The following RNF40 variants were observed in gnomAD, a reference collection of about 807,000 sequenced individuals.
RNF40 encodes the protein ring finger protein 40, also known as E3 ubiquitin-protein ligase BRE1B.
RNF40 carries 39 observed loss-of-function variants against 123.3 expected under a neutral mutation model. That is an observed-to-expected ratio of 0.32 (90% CI 0.24 to 0.41). RNF40 has a LOEUF of 0.41. RNF40 is among the 10% of genes least tolerant of loss of function. The pLI, the probability that RNF40 is intolerant of heterozygous loss-of-function variation, is 1.00. For missense variants in RNF40, 1,003 were observed against 1,319.9 expected, an observed-to-expected ratio of 0.76 and a Z score of 3.72; for synonymous variants, 538 against 526.0, an observed-to-expected ratio of 1.02 and a Z score of -0.31.
In RNF40 at chr16:30,768,933, G is replaced by C; in HGVS notation, c.2193G>C (p.Arg731=). The part of the protein sequence containing the change: ...IADEDALRRI[R]QAEEQIEHLQ... ...ATGAGGATGCCCTGCGGCGCATTCG[G>C]CAGGCAGAGGAGCAGATAGAACACC... The change falls in exon 15 of 20, where the codon CGG becomes CGC. Residue 731 remains arginine (R), a synonymous_variant. Transcript: ENST00000324685. This position sits in a 1 kb window ranked among gnomAD's most constrained non-coding sequence, Gnocchi z 4.1. 11 of 1,614,174 alleles carry C rather than the reference G, an allele frequency of 6.8e-6. No homozygotes were observed. The highest frequency in any genetic ancestry group is 9.3e-6 in the Non-Finnish European group (11 of 1,180,036).
At chr16:30,770,691 T>C (rs560238245) in intron 17 of RNF40, among the ~76,000 whole-genome samples, 5 of 152,332 alleles carry the variant, frequency 3.3e-5, no homozygotes, top group African/African-American at 1.2e-4. Flanking sequence ...TTCATTCATT[T>C]AAGCAGTATG....
chr16:30,761,896 C>A, upstream of RNF40: 2 of 771,802 alleles, frequency 2.6e-6, no homozygotes, highest in Non-Finnish European at 4.0e-6. Context: ...GGGGCGAATC[C>A]GTGGGGGCGT....
At chr16:30,763,344 C>T (rs953500915) in intron 3 of RNF40, 59 bp downstream of exon 3, 4 of 1,608,598 alleles carry the variant, frequency 2.5e-6, no homozygotes, top group African/African-American at 2.7e-5. Context: ...CCCCAGATTC[C>T]CCTGCTAGGA....
At position 30,774,953 on chromosome 16, in the gene RNF40, C is replaced by T. The variant is rs1056641011; in HGVS notation, c.*839C>T. 2.2e-6 allele frequency: 1 copy of T among 456,526 alleles called. No individual in the cohort carries two copies. The highest frequency in any genetic ancestry group is 4.4e-6 in the Non-Finnish European group (1 of 226,800). 28.3% of individuals were successfully genotyped at this position (456,526 alleles called of 1,614,324 possible). A position where few individuals can be genotyped will look rare whatever the true frequency, so the allele number is the denominator to read the frequency against. Reference sequence around the variant, plus strand: ...CAGGAGGGGAAGGGACAGACCAGCCCCAGCCGCTGGGCCAACTTCCAATCA... The same window carrying T: ...CAGGAGGGGAAGGGACAGACCAGCCTCAGCCGCTGGGCCAACTTCCAATCA... On this transcript the variant is annotated 3_prime_UTR_variant, in exon 20 of 20. Coordinates refer to ENST00000324685, the MANE Select transcript of RNF40 (RefSeq NM_014771.4).
chr16:30,768,226 G>C lies in RNF40; in HGVS notation c.1675G>C (p.Asp559His), dbSNP rs147842419. 4 of 1,613,672 alleles carry C rather than the reference G, an allele frequency of 2.5e-6. No homozygotes were observed. The African/African-American group carries it at 5.3e-5, about 22-fold the overall frequency. The part of the protein sequence containing the change: ...EGGPGPVSTP[D>H]NRKEMAPVPG... ...TGGGCCAGGCCCTGTCAGTACCCCC[G>C]ACAACAGAAAGGAGATGGCTCCAGT... The change falls in exon 13 of 20, where the codon GAC (aspartate) becomes CAC (histidine). Residue 559 changes from aspartate (D) to histidine (H), a missense_variant. Asp to His is a moderately conservative substitution (Grantham distance 81). Around this residue, in one of 11 missense-constraint regions of RNF40, gnomAD observed 295 missense variants for 331.7 expected, o/e 0.89. Coordinates refer to ENST00000324685, the MANE Select transcript of RNF40 (RefSeq NM_014771.4). This position sits in a 1 kb window ranked among gnomAD's most constrained non-coding sequence, Gnocchi z 4.1.
Position 30,775,065 on chromosome 16 carries a change from G to C in RNF40, c.*951G>C, listed in dbSNP as rs139144017. ...CCAGCCATGCTCCATCGGCTGTGAG[G>C]GCAGTGCCCGGAGAGGCCAGAGGGT... is the stretch of plus-strand genomic sequence containing the variant. On this transcript the variant is annotated 3_prime_UTR_variant, in exon 20 of 20. Transcript: ENST00000324685. The C allele has an allele frequency of 1.1e-5, 5 of 456,390 alleles. No homozygotes were observed. Among genetic ancestry groups the C allele is most frequent in the Non-Finnish European group, 2.2e-5 (5 of 226,698 alleles). The allele number at this position is 456,390 out of a possible 1,614,324, so 28.3% of individuals were successfully genotyped here. A position where few individuals can be genotyped will look rare whatever the true frequency, so the allele number is the denominator to read the frequency against.
At position 30,766,622 on chromosome 16, in the gene RNF40, G is replaced by T. The variant is rs1181747974; in HGVS notation, c.1293+64G>T. 1 of 1,581,330 alleles carries T rather than the reference G, an allele frequency of 6.3e-7. No individual in the cohort carries two copies. ...CCAAACCGTTAGTGTTGACGTGTTT[G>T]TGCCTTCCGAGGCCCTGTGTGCCAG... On this transcript the variant is annotated intron_variant, in intron 10 of 19. Coordinates refer to ENST00000324685, the MANE Select transcript of RNF40 (RefSeq NM_014771.4). The surrounding 1 kb of genome is among the most constrained non-coding windows in gnomAD (Gnocchi z 5.4).
At chr16:30,761,644 C>T (rs1276378721), upstream of RNF40, 17 of 1,535,910 alleles carry the variant, frequency 1.1e-5, no homozygotes, top group Admixed American at 3.9e-5. Flanking sequence ...CCGACCCATG[C>T]ACTGAGCTGC....
chr16:30,769,299 T>C lies in RNF40; in HGVS notation c.2361T>C (p.Phe787=). 2 of 1,614,212 alleles carry C rather than the reference T, an allele frequency of 1.2e-6. No individual in the cohort carries two copies. The highest frequency in any genetic ancestry group is 1.3e-5 in the African/African-American group (1 of 75,050). The change falls in exon 16 of 20, where the codon TTT becomes TTC. Residue 787 remains phenylalanine, a synonymous_variant. Coordinates refer to ENST00000324685, the MANE Select transcript of RNF40 (RefSeq NM_014771.4). ...QQLREKDDAN[F]KLMSERIKAN... is the part of the protein sequence containing the mutation. ...TGCGGGAAAAGGATGATGCCAACTT[T>C]AAGCTAATGTCAGAGCGGATCAAGG...
In RNF40 at chr16:30,775,205, C is replaced by G. The variant is rs1020556742; in HGVS notation, c.*1091C>G. 4.3e-5 allele frequency: 15 copies of G among 350,734 alleles called. No homozygotes were observed. The highest frequency in any genetic ancestry group is 1.7e-5 in the Non-Finnish European group (3 of 178,280). 21.7% of individuals were successfully genotyped at this position (350,734 alleles called of 1,614,324 possible). ...TCGGCCTGCAGCCAGAGTAGCCAGGCCGCGCACCCCAAATGTAGTCCCCCG... is the reference window on the plus strand; with the variant it reads ...TCGGCCTGCAGCCAGAGTAGCCAGGGCGCGCACCCCAAATGTAGTCCCCCG... On this transcript the variant is annotated 3_prime_UTR_variant, in exon 20 of 20. Coordinates refer to ENST00000324685, the MANE Select transcript of RNF40 (RefSeq NM_014771.4).
Position 30,765,163 on chromosome 16 carries a change from C to T in RNF40, c.772-18C>T. The stretch of plus-strand genomic sequence containing the variant: ...ACCAAGTCCCCCATCCAAGCATCTG[C>T]TCCCTCATTGTTCCCAGTACTCCGA... On this transcript the variant is annotated intron_variant, in intron 6 of 19. Transcript: ENST00000324685. 1 of 1,613,506 alleles carries T rather than the reference C, an allele frequency of 6.2e-7. No individual in the cohort carries two copies. Among genetic ancestry groups the T allele is most frequent in the Non-Finnish European group, 8.5e-7 (1 of 1,179,460 alleles).
Position 30,768,939 on chromosome 16 carries a change from A to G in RNF40, c.2199A>G (p.Ala733=). Residue 733 remains alanine (A), a synonymous_variant, in exon 15 of 20, where the codon GCA becomes GCG. Coordinates refer to ENST00000324685, the MANE Select transcript of RNF40 (RefSeq NM_014771.4). The surrounding 1 kb of genome is among the most constrained non-coding windows in gnomAD (Gnocchi z 4.1). ...ATGCCCTGCGGCGCATTCGGCAGGC[A>G]GAGGAGCAGATAGAACACCTGCAGC... The part of the protein sequence containing the change: ...DEDALRRIRQ[A]EEQIEHLQRK... 1 of 1,614,166 alleles carries G rather than the reference A, an allele frequency of 6.2e-7. No homozygotes were observed.
In RNF40 at chr16:30,769,345, C is replaced by T. The variant is rs2054103811; in HGVS notation, c.2407C>T (p.Leu803=). The change falls in exon 16 of 20, where the codon CTG becomes TTG. Residue 803 remains leucine (L), a synonymous_variant. Coordinates refer to ENST00000324685, the MANE Select transcript of RNF40 (RefSeq NM_014771.4). ...RIKANQIHKL[L]REEKDELGEQ... ...CAAGGCCAACCAGATTCACAAGCTG[C>T]TGCGGGAGGAGAAGGATGAGTTGGG... 5 of 1,614,214 alleles carry T rather than the reference C, an allele frequency of 3.1e-6. No individual in the cohort carries two copies. In the African/African-American group the frequency reaches 5.3e-5, roughly 17 times the overall value.
At position 30,765,067 on chromosome 16, in the gene RNF40, G is replaced by T. The variant is rs769211767; in HGVS notation, c.771+8G>T. The T allele has an allele frequency of 2.5e-6, 4 of 1,613,844 alleles. No homozygotes were observed. In the South Asian group the frequency reaches 4.4e-5, roughly 18 times the overall value. Reference sequence around the variant, plus strand: ...CACCGCATCTCATTGGAGGTGAGGAGCCGGGGGCTTTGGGGGTGTGATTAG... The same window carrying T: ...CACCGCATCTCATTGGAGGTGAGGATCCGGGGGCTTTGGGGGTGTGATTAG... On this transcript the variant is annotated splice_region_variant and intron_variant, in intron 6 of 19. Transcript: ENST00000324685.
In RNF40 at chr16:30,768,811, G is replaced by A. The variant is rs769703912; in HGVS notation, c.2098-27G>A. ...CTAGCTCAGCAGGAAGCAGTGTCAAGAGAGTTTCTTCTTCCCTGTGCTATA... is the reference window on the plus strand; with the variant it reads ...CTAGCTCAGCAGGAAGCAGTGTCAAAAGAGTTTCTTCTTCCCTGTGCTATA... On this transcript the variant is annotated intron_variant, in intron 14 of 19. Transcript: ENST00000324685. This position sits in a 1 kb window ranked among gnomAD's most constrained non-coding sequence, Gnocchi z 4.1. 1 of 1,614,136 alleles carries A rather than the reference G, an allele frequency of 6.2e-7. No individual in the cohort carries two copies. The highest frequency in any genetic ancestry group is 8.5e-7 in the Non-Finnish European group (1 of 1,180,030).
At chr16:30,771,806 G>T (rs1295631424) in intron 17 of RNF40, 27 bp from the exon 18 acceptor site, 24 of 1,534,080 alleles carry the variant, frequency 1.6e-5, no homozygotes, top group Non-Finnish European at 2.0e-5. Flanking sequence ...TCAGACCAGT[G>T]CCTCCTTCCT....
chr16:30,763,782 C>T (rs2053957102), intron 4 of RNF40, among the ~76,000 whole-genome samples: 1 of 152,190 alleles, frequency 6.6e-6, no homozygotes, highest in African/African-American at 2.4e-5. Context: ...TGTTTCAAAA[C>T]AGTATTATGG....
At chr16:30,763,308 G>C (rs533998280) in intron 3 of RNF40, 23 bp downstream of exon 3, 1 of 1,612,856 alleles carries the variant, frequency 6.2e-7, no homozygotes, top group Non-Finnish European at 8.5e-7. Flanking sequence ...TGCTTTCAAA[G>C]ACCAGGCCTT....
chr16:30,774,060 C>A lies in RNF40; in HGVS notation c.2952C>A (p.Pro984=), dbSNP rs1198042060. 1 of 1,614,064 alleles carries A rather than the reference C, an allele frequency of 6.2e-7. No homozygotes were observed. The highest frequency in any genetic ancestry group is 1.3e-5 in the African/African-American group (1 of 75,056). The change falls in exon 20 of 20, where the codon CCC becomes CCA. Residue 984 remains proline, a synonymous_variant. Transcript: ENST00000324685. ...ATGAGGCCCGCCAGAGGAAGTGCCC[C>A]AAGTGCAACGCGGCCTTTGGTGCCC... ...GRYEARQRKC[P]KCNAAFGAHD...
Sources: allele counts gnomAD v4.1 joint callset (sites outside exome capture counted in the v4.1 genomes callset), GRCh38; gene constraint gnomAD v4.1.1; regional missense constraint gnomAD v4.1.1; non-coding constraint Gnocchi (gnomAD v3.1); transcripts MANE v1.5; gene names NCBI Gene and HGNC (gene_info 2026-07-23, HGNC 2026-07-21).